Variants in TMTC2 observed in about 807,000 individuals in gnomAD.
The protein encoded by TMTC2 is protein O-mannosyl-transferase TMTC2.
TMTC2 carries 43 observed loss-of-function variants against 82.4 expected under a neutral mutation model. That is an observed-to-expected ratio of 0.52 (90% CI 0.41 to 0.67). The LOEUF (loss-of-function observed/expected upper bound fraction) is 0.67. Ranked by LOEUF, TMTC2 falls within the 30% of genes least tolerant of loss-of-function variation. TMTC2 has a pLI of 0.00. For missense variants in TMTC2, 919 were observed against 1,012.4 expected (o/e 0.91, Z 1.25); for synonymous variants, 408 against 381.9 (o/e 1.07, Z -0.80).
chr12:82,826,382 T>C (rs1055430391), intron 1 of TMTC2, among the ~76,000 whole-genome samples: 1 of 152,240 alleles, frequency 6.6e-6, no homozygotes, highest in Non-Finnish European at 1.5e-5. Flanking sequence ...CTTCACTATA[T>C]GTGTAGTCTT....
intron 1 of TMTC2, among the ~76,000 whole-genome samples, chr12:82,741,457 C>T (rs938649624): frequency 6.6e-6 from 1 of 152,080 alleles, no homozygotes; most frequent in Admixed American, 6.5e-5. Flanking sequence ...ACTACAGGCA[C>T]GCGCCACCAC....
intron 9 of TMTC2, among the ~76,000 whole-genome samples, chr12:83,044,622 G>A (rs1592713650): frequency 6.6e-6 from 1 of 152,202 alleles, no homozygotes; most frequent in African/African-American, 2.4e-5. Flanking sequence ...TATCACTAGA[G>A]TTCAGATGAT....
At chr12:83,025,582 A>C (rs1386884769) in intron 8 of TMTC2, among the ~76,000 whole-genome samples, 1 of 152,280 alleles carries the variant, frequency 6.6e-6, no homozygotes, top group Admixed American at 6.5e-5. Flanking sequence ...ATGCCCTACT[A>C]TTAAATTCTG....
chr12:82,949,199 G>C (rs998397206), intron 4 of TMTC2, among the ~76,000 whole-genome samples: 1 of 152,184 alleles, frequency 6.6e-6, no homozygotes, highest in Non-Finnish European at 1.5e-5. Context: ...ATTACATAAA[G>C]ATTAGACGTC....
chr12:82,832,464 C>G (rs1256022007), intron 1 of TMTC2, among the ~76,000 whole-genome samples: 1 of 151,856 alleles, frequency 6.6e-6, no homozygotes, highest in Non-Finnish European at 1.5e-5. Context: ...TACACTGTTT[C>G]ATCAAGTAAT....
chr12:83,003,864 A>G (rs1431540858), intron 8 of TMTC2, among the ~76,000 whole-genome samples: 10 of 152,106 alleles, frequency 6.6e-5, no homozygotes, highest in East Asian at 1.9e-4. Flanking sequence ...TTTTTATATT[A>G]TCTTGCAGGA....
chr12:82,767,702 T>C (rs1455366328), intron 1 of TMTC2, among the ~76,000 whole-genome samples: 2 of 152,222 alleles, frequency 1.3e-5, no homozygotes, highest in Non-Finnish European at 2.9e-5. Flanking sequence ...TTTTCCTCCT[T>C]CTTCATCTGT....
intron 1 of TMTC2, among the ~76,000 whole-genome samples, chr12:82,707,089 C>CTA (rs1446293994): frequency 2.0e-5 from 3 of 152,190 alleles, no homozygotes; most frequent in African/African-American, 7.2e-5. Flanking sequence ...TAACAAAATA[C>CTA]TATAAACTAG....
At chr12:82,905,719 C>T (rs534002432) in intron 3 of TMTC2, among the ~76,000 whole-genome samples, 1 of 151,964 alleles carries the variant, frequency 6.6e-6, no homozygotes, top group Middle Eastern at 3.2e-3. Flanking sequence ...CCGAGGCGGG[C>T]GGATCACCTG....
intron 4 of TMTC2, among the ~76,000 whole-genome samples, chr12:82,958,479 C>T (rs779864746): frequency 7.2e-5 from 11 of 151,860 alleles, no homozygotes; most frequent in South Asian, 4.1e-4. Context: ...AAAGGTAAGT[C>T]GCCATGATCA....
At chr12:83,017,036 G>A (rs1880708951) in intron 8 of TMTC2, among the ~76,000 whole-genome samples, 1 of 152,206 alleles carries the variant, frequency 6.6e-6, no homozygotes, top group Non-Finnish European at 1.5e-5. Context: ...CTGGAAAAAT[G>A]TGTTTTGGTA....
chr12:82,808,089 T>TA (rs970173602), intron 1 of TMTC2, among the ~76,000 whole-genome samples: 23 of 151,908 alleles, frequency 1.5e-4, no homozygotes, highest in Non-Finnish European at 2.8e-4. Flanking sequence ...AAAAATATCT[T>TA]AAAAAAACTG....
chr12:83,080,947 G>C (rs534317166), intron 11 of TMTC2, among the ~76,000 whole-genome samples: 47 of 152,142 alleles, frequency 3.1e-4, no homozygotes, highest in Non-Finnish European at 5.9e-4. Context: ...AGCCACACAA[G>C]CAGAGTGTCA....
chr12:82,810,702 C>A (rs146377194), intron 1 of TMTC2, among the ~76,000 whole-genome samples: 5 of 152,196 alleles, frequency 3.3e-5, no homozygotes, highest in African/African-American at 9.6e-5. Context: ...ATAATCCCCA[C>A]GTGTCAAGGG....
Position 82,942,073 on chromosome 12 carries a change from C to T in TMTC2, c.1598+11528C>T, listed in dbSNP as rs148236669. ...TGATTTTGAAATATAGTCTTACAAA[C>T]TCTATTGTAAAGGATTAAGTTCTCT... On this transcript the variant is annotated intron_variant, in intron 4 of 11. Coordinates refer to ENST00000321196, the MANE Select transcript of TMTC2 (RefSeq NM_152588.3). 8.8e-3 allele frequency among the ~76,000 whole-genome samples: 1,333 copies of T among 152,238 alleles called. 22 individuals are homozygous for T. The highest frequency in any genetic ancestry group is 0.03 in the African/African-American group (1,262 of 41,536).
At chr12:82,910,985 A>G (rs1874615438) in intron 3 of TMTC2, among the ~76,000 whole-genome samples, 1 of 151,054 alleles carries the variant, frequency 6.6e-6, no homozygotes, top group African/African-American at 2.4e-5. Flanking sequence ...GTTTCACGCC[A>G]TTCTCCTGCC....
intron 2 of TMTC2, among the ~76,000 whole-genome samples, chr12:82,888,386 G>A (rs1873213044): frequency 1.3e-5 from 2 of 152,204 alleles, no homozygotes; most frequent in Non-Finnish European, 2.9e-5. Flanking sequence ...AGGTGAAAAG[G>A]TCAAGTTTCT....
chr12:82,703,486 G>A (rs1017473393), intron 1 of TMTC2, among the ~76,000 whole-genome samples: 1 of 149,880 alleles, frequency 6.7e-6, no homozygotes, highest in Non-Finnish European at 1.5e-5. Flanking sequence ...ATGGAAGATA[G>A]ATAGTTTCTT....
rs566808742 is a variant in TMTC2, at chr12:82,788,117, C to CTGTAATGG, written c.84-68892_84-68885dup. Among the ~76,000 whole-genome samples, 145 of 151,938 alleles carry CTGTAATGG rather than the reference C, an allele frequency of 9.5e-4. 1 individual carries two copies. The East Asian group carries it at 0.022, about 23-fold the overall frequency. The stretch of plus-strand genomic sequence containing the variant: ...TTTAAATGATTTCCTTACAAAACGA[C>CTGTAATGG]TGTAATGGATTTTCTTTAAAAAAGT... On this transcript the variant is annotated intron_variant, in intron 1 of 11. Transcript: ENST00000321196.
Sources: allele counts gnomAD v4.1 joint callset (sites outside exome capture counted in the v4.1 genomes callset), GRCh38; gene constraint gnomAD v4.1.1; transcripts MANE v1.5; gene names NCBI Gene and HGNC (gene_info 2026-07-23, HGNC 2026-07-21).